EWSR1: variants seen among roughly 807,000 people sequenced by gnomAD.
EWSR1 encodes the protein RNA-binding protein EWS.
A neutral mutation model predicts 92.1 loss-of-function variants in EWSR1; 14 were observed. The observed-to-expected ratio is 0.15, with a 90% confidence interval of 0.10 to 0.24. The LOEUF is 0.24. EWSR1 is among the 10% of genes least tolerant of loss of function. The pLI, the probability that EWSR1 is intolerant of heterozygous loss-of-function variation, is 1.00. For synonymous variants in EWSR1, 303 were observed against 292.9 expected (o/e 1.03, Z -0.35); for missense variants, 637 against 870.9 (o/e 0.73, Z 3.38).
chr22:29,297,852 TAA>T lies in EWSR1; in HGVS notation c.1322_1323del (p.Lys441SerfsTer21). ...GGAAAGATTTTCAAGGGAGCAAACT[TAA>T]AGTCTCCCTTGCTCGGAAGAAGCCT... ...DGKDFQGSKLKVSLARKKPPM... is the reference protein window; with the variant it reads ...DGKDFQGSKLXVSLARKKPPM... On this transcript the variant is annotated frameshift_variant, in exon 13 of 17. Transcript: ENST00000397938. LOFTEE classifies it high-confidence loss of function. The T allele has an allele frequency of 6.2e-7, 1 of 1,614,022 alleles. No individual in the cohort carries two copies. Among genetic ancestry groups the T allele is most frequent in the Non-Finnish European group, 8.5e-7 (1 of 1,179,976 alleles).
At chr22:29,269,757 T>G (rs2058505421) in intron 1 of EWSR1, 1 of 152,172 alleles carries the variant, frequency 6.6e-6, no homozygotes, top group South Asian at 2.1e-4. Context: ...AACCTCCCGG[T>G]GGGAAGTGGT....
intron 5 of EWSR1, among the ~76,000 whole-genome samples, chr22:29,279,470 C>G (rs1222964955): frequency 1.3e-5 from 2 of 152,330 alleles, no homozygotes; most frequent in South Asian, 2.1e-4. Context: ...ACTGGGTACC[C>G]TGCTATAGGA....
intron 11 of EWSR1, among the ~76,000 whole-genome samples, chr22:29,294,641 C>T (rs1462426885): frequency 1.4e-5 from 2 of 147,972 alleles, no homozygotes; most frequent in Non-Finnish European, 1.5e-5. Context: ...TTTGGGCGGG[C>T]GTGGTGGCTC....
intron 11 of EWSR1, among the ~76,000 whole-genome samples, chr22:29,294,665 C>T (rs867175610): frequency 1.0e-4 from 15 of 147,364 alleles, no homozygotes; most frequent in African/African-American, 3.7e-4. Flanking sequence ...CCTGTAATCC[C>T]GGCACTATGG....
intron 8 of EWSR1, 157 bp from the exon 9 acceptor site, chr22:29,291,405 A>G (rs887196523): frequency 2.0e-5 from 13 of 659,994 alleles, no homozygotes; most frequent in Non-Finnish European, 3.3e-5. Flanking sequence ...AATTTGAGCA[A>G]GCTGCCCTGA....
chr22:29,280,865 T>G (rs1471652037), intron 5 of EWSR1, among the ~76,000 whole-genome samples: 48 of 16,486 alleles, frequency 2.9e-3, no homozygotes, highest in East Asian at 0.018. Context: ...GTGTGTTGTT[T>G]TTTTTTTTTT....
At chr22:29,293,561 A>G (rs143473038) in intron 11 of EWSR1, among the ~76,000 whole-genome samples, 40 of 152,078 alleles carry the variant, frequency 2.6e-4, no homozygotes, top group African/African-American at 9.6e-4. Context: ...ATTTATTTGT[A>G]TATTTATTTG....
At chr22:29,283,172 T>C (rs2059748224) in intron 6 of EWSR1, among the ~76,000 whole-genome samples, 2 of 152,332 alleles carry the variant, frequency 1.3e-5, no homozygotes, top group South Asian at 4.1e-4. Flanking sequence ...AGCAGAAGTA[T>C]ATGAAAGCAT....
intron 7 of EWSR1, 85 bp from the exon 8 acceptor site, chr22:29,288,521 G>C: frequency 7.4e-7 from 1 of 1,358,156 alleles, no homozygotes; most frequent in South Asian, 1.4e-5. Context: ...CCTTGGAATT[G>C]AGGATTTTGT....
rs2147633539 is a variant in EWSR1 at position 29,294,011 on chromosome 22, G to A, written c.1164+1405G>A. 3.3e-5 allele frequency among the ~76,000 whole-genome samples: 5 copies of A among 152,050 alleles called. No individual in the cohort carries two copies. The Middle Eastern group carries it at 0.01, about 310-fold the overall frequency. ...AGCCTCCCGAGTAGCTGGAATTACA[G>A]GCGCCTGCCAGCACCCCTGGCTAAT... On this transcript the variant is annotated intron_variant, in intron 11 of 16. Coordinates refer to ENST00000397938, the MANE Select transcript of EWSR1 (RefSeq NM_005243.4).
intron 11 of EWSR1, 63 bp downstream of exon 11, chr22:29,292,669 T>C (rs1325170089): frequency 7.5e-6 from 8 of 1,073,600 alleles, no homozygotes; most frequent in Admixed American, 5.4e-5. Flanking sequence ...TTTAAAGAGA[T>C]TGAATTGATG....
intron 16 of EWSR1, 97 bp downstream of exon 16, chr22:29,299,948 C>T: frequency 6.5e-7 from 1 of 1,541,880 alleles, no homozygotes; most frequent in South Asian, 1.2e-5. Context: ...CTCTAGGAAG[C>T]TTGTGATAGT....
At chr22:29,292,258 T>C (rs1363166028) in intron 10 of EWSR1, 89 bp downstream of exon 10, 2 of 1,284,140 alleles carry the variant, frequency 1.6e-6, no homozygotes, top group Non-Finnish European at 1.1e-6. Context: ...AGCAGCCTTA[T>C]AGACCAGTGT....
intron 6 of EWSR1, among the ~76,000 whole-genome samples, chr22:29,286,378 A>G (rs2060033584): frequency 6.6e-6 from 1 of 151,366 alleles, no homozygotes; most frequent in Admixed American, 6.6e-5. Flanking sequence ...AGGATTATAC[A>G]GATGGTGGTT....
At chr22:29,274,949 A>T (rs1258833445) in intron 4 of EWSR1, among the ~76,000 whole-genome samples, 1 of 152,158 alleles carries the variant, frequency 6.6e-6, no homozygotes. Flanking sequence ...CAGAGCTCTT[A>T]TTTTCAAACT....
chr22:29,299,854 A>C lies in EWSR1; in HGVS notation c.1931+3A>C. ...GGAGGACCTGGAAAAATGGATAAGT[A>C]AGTGCTGGTGAAAAGCAGCTGTGGG... On this transcript the variant is annotated splice_donor_region_variant and intron_variant, in intron 16 of 16. Coordinates refer to ENST00000397938, the MANE Select transcript of EWSR1 (RefSeq NM_005243.4). 2 of 1,540,358 alleles carry C rather than the reference A, an allele frequency of 1.3e-6. No individual in the cohort carries two copies. Among genetic ancestry groups the C allele is most frequent in the Non-Finnish European group, 1.8e-6 (2 of 1,141,858 alleles).
intron 16 of EWSR1, 125 bp from the exon 17 acceptor site, chr22:29,299,993 TCTGG>T: frequency 3.1e-6 from 4 of 1,276,120 alleles, no homozygotes; most frequent in South Asian, 1.5e-5. Context: ...ACCTGGGGGC[TCTGG>T]AAGGGCTTCC....
chr22:29,270,838 G>C (rs1249990677), intron 1 of EWSR1, among the ~76,000 whole-genome samples: 1 of 151,854 alleles, frequency 6.6e-6, no homozygotes, highest in Admixed American at 6.5e-5. Flanking sequence ...GAGAGAGTAT[G>C]ACTTGTAGTG....
chr22:29,288,527 T>G, intron 7 of EWSR1, 79 bp from the exon 8 acceptor site: 1 of 1,409,246 alleles, frequency 7.1e-7, no homozygotes. Context: ...AATTGAGGAT[T>G]TTGTGATTCC....
Sources: gnomAD v4.1 joint callset for allele counts (sites outside exome capture counted in the v4.1 genomes callset) on GRCh38, gnomAD v4.1.1 for gene constraint, MANE v1.5 for transcripts, NCBI Gene and HGNC (gene_info 2026-07-23, HGNC 2026-07-21) for gene names.